CENPW: variants seen among roughly 807,000 people sequenced by gnomAD.
CENPW encodes centromere protein W.
A neutral mutation model predicts 11.1 loss-of-function variants in CENPW; 3 were observed. That is an observed-to-expected ratio of 0.27 (90% CI 0.12 to 0.70). CENPW has a LOEUF of 0.70. CENPW is among the 30% of genes least tolerant of loss of function. The pLI, the probability that CENPW is intolerant of heterozygous loss-of-function variation, is 0.77. For missense variants in CENPW, 100 were observed against 105.6 expected (o/e 0.95, Z 0.23); for synonymous variants, 38 against 42.0 (o/e 0.91, Z 0.37).
At chr6:126,464,981 T>A in the CENPW span, among the ~76,000 whole-genome samples, 1,533 of 152,202 alleles carry the variant, frequency 0.01, 21 homozygotes, top group African/African-American at 0.036. Context: ...TTACCACTTT[T>A]AGGTAATATT....
chr6:126,376,708 A>G, the CENPW span, among the ~76,000 whole-genome samples: 1 of 152,192 alleles, frequency 6.6e-6, no homozygotes, highest in Non-Finnish European at 1.5e-5. Context: ...ATGTATTAAA[A>G]TGTTAAATAT....
chr6:126,383,088 C>G, the CENPW span, among the ~76,000 whole-genome samples: 2 of 152,064 alleles, frequency 1.3e-5, no homozygotes, highest in African/African-American at 2.4e-5. Flanking sequence ...ACAGAAATTC[C>G]ACAAGTCAGA....
At chr6:126,375,618 G>C in the CENPW span, among the ~76,000 whole-genome samples, 1 of 152,076 alleles carries the variant, frequency 6.6e-6, no homozygotes, top group Admixed American at 6.6e-5. Flanking sequence ...AATGGCTGGT[G>C]AGGGCCTGTC....
chr6:126,425,499 T>C, the CENPW span, among the ~76,000 whole-genome samples: 2 of 152,270 alleles, frequency 1.3e-5, no homozygotes, highest in African/African-American at 2.4e-5. Flanking sequence ...AGCTGAGTAG[T>C]AGATTACTAA....
chr6:126,389,677 T>TGTGTGC, the CENPW span, among the ~76,000 whole-genome samples: 13 of 151,682 alleles, frequency 8.6e-5, no homozygotes, highest in South Asian at 1.3e-3. Context: ...TGTGTGTGTG[T>TGTGTGC]GCCTTCCTCA....
chr6:126,360,250 T>A, the CENPW span, among the ~76,000 whole-genome samples: 1 of 152,228 alleles, frequency 6.6e-6, no homozygotes, highest in Non-Finnish European at 1.5e-5. Flanking sequence ...GAAAATAGGT[T>A]CTCAGTGTCT....
chr6:126,414,055 A>G, the CENPW span, among the ~76,000 whole-genome samples: 60 of 152,206 alleles, frequency 3.9e-4, no homozygotes, highest in African/African-American at 1.3e-3. Flanking sequence ...TTTAAGTAAA[A>G]GACTAAAAAA....
the CENPW span, among the ~76,000 whole-genome samples, chr6:126,469,230 C>A: frequency 5.9e-5 from 9 of 152,086 alleles, no homozygotes; most frequent in Non-Finnish European, 1.3e-4. Flanking sequence ...GCCGTTTCAC[C>A]CATGCCGTTC....
chr6:126,406,606 C>G, the CENPW span, among the ~76,000 whole-genome samples: 2 of 152,100 alleles, frequency 1.3e-5, no homozygotes, highest in African/African-American at 4.8e-5. Context: ...GTAATCCCAT[C>G]ACTTTGGGAG....
the CENPW span, among the ~76,000 whole-genome samples, chr6:126,459,426 C>T: frequency 1.3e-5 from 2 of 151,518 alleles, no homozygotes; most frequent in South Asian, 4.1e-4. Flanking sequence ...ATACGATTTA[C>T]CTTAAAAGAT....
At chr6:126,449,240 A>G in the CENPW span, among the ~76,000 whole-genome samples, 1 of 151,124 alleles carries the variant, frequency 6.6e-6, no homozygotes, top group African/African-American at 2.4e-5. Flanking sequence ...TTCATTAGAG[A>G]TGATATTAAA....
chr6:126,352,929 TATAAC>T (rs1242412543), downstream of CENPW, among the ~76,000 whole-genome samples: 1 of 152,124 alleles, frequency 6.6e-6, no homozygotes, highest in Non-Finnish European at 1.5e-5. Flanking sequence ...TACTAGGAAT[TATAAC>T]ATGCATCATT....
At chr6:126,475,693 G>T in the CENPW span, among the ~76,000 whole-genome samples, 2 of 151,966 alleles carry the variant, frequency 1.3e-5, no homozygotes, top group Non-Finnish European at 2.9e-5. Flanking sequence ...AAATGTGGAT[G>T]ATGAAAACTA....
At chr6:126,470,643 T>C in the CENPW span, among the ~76,000 whole-genome samples, 3 of 152,202 alleles carry the variant, frequency 2.0e-5, no homozygotes, top group Non-Finnish European at 4.4e-5. Context: ...GTGGAAAAGC[T>C]GCAGACACTC....
the CENPW span, among the ~76,000 whole-genome samples, chr6:126,425,339 A>G: frequency 6.6e-6 from 1 of 152,080 alleles, no homozygotes; most frequent in Non-Finnish European, 1.5e-5. Flanking sequence ...AATCACCCAC[A>G]TCTTTATTTG....
At chr6:126,358,031 A>G in the CENPW span, among the ~76,000 whole-genome samples, 1 of 152,198 alleles carries the variant, frequency 6.6e-6, no homozygotes, top group African/African-American at 2.4e-5. Flanking sequence ...TTATTGATTT[A>G]TAGAATTGCT....
the CENPW span, among the ~76,000 whole-genome samples, chr6:126,429,355 A>C: frequency 2.0e-5 from 3 of 152,222 alleles, no homozygotes; most frequent in South Asian, 6.2e-4. Context: ...TGTAATCCCC[A>C]ATGTTGGAGG....
the CENPW span, among the ~76,000 whole-genome samples, chr6:126,402,401 A>T: frequency 9.2e-5 from 14 of 151,718 alleles, no homozygotes; most frequent in Non-Finnish European, 1.8e-4. Context: ...AATTCACATA[A>T]CATCCAATTT....
chr6:126,355,437 T>A, the CENPW span, among the ~76,000 whole-genome samples: 1 of 152,148 alleles, frequency 6.6e-6, no homozygotes, highest in South Asian at 2.1e-4. Context: ...AACTCAATGC[T>A]CTGAGGGAGT....
Sources: gnomAD v4.1 joint callset for allele counts (sites outside exome capture counted in the v4.1 genomes callset) on GRCh38, gnomAD v4.1.1 for gene constraint, MANE v1.5 for transcripts, NCBI Gene and HGNC (gene_info 2026-07-23, HGNC 2026-07-21) for gene names.